ATE1: variants seen among roughly 807,000 people sequenced by gnomAD.
ATE1 encodes the protein arginyl-tRNA--protein transferase 1.
ATE1 carries 36 observed loss-of-function variants against 70.5 expected under a neutral mutation model. The ratio of observed to expected loss-of-function variants is 0.51; its 90% CI spans 0.39 to 0.67. The LOEUF (loss-of-function observed/expected upper bound fraction) is 0.67, where lower values mean the gene tolerates loss of function less well. Among genes scored for constraint, ATE1 ranks in the 30% least tolerant of loss-of-function variants. ATE1 has a pLI of 0.00. For missense variants in ATE1, 593 were observed against 629.5 expected (o/e 0.94, Z 0.62); for synonymous variants, 232 against 219.3 (o/e 1.06, Z -0.51).
At chr10:121,787,368 A>G (rs1946257040) in intron 11 of ATE1, among the ~76,000 whole-genome samples, 1 of 152,228 alleles carries the variant, frequency 6.6e-6, no homozygotes, top group Admixed American at 6.5e-5. Flanking sequence ...TTTCTCACAG[A>G]TTGCCATTTA....
chr10:121,789,507 C>T (rs1946349408), intron 11 of ATE1, among the ~76,000 whole-genome samples: 1 of 151,988 alleles, frequency 6.6e-6, no homozygotes, highest in African/African-American at 2.4e-5. Flanking sequence ...CCATGTTGGC[C>T]AGGCTGGTCT....
At position 121,800,281 on chromosome 10, in the gene ATE1, C is replaced by A. The variant is rs115272592; in HGVS notation, c.1258-9992G>T. Among the ~76,000 whole-genome samples, 660 of 152,208 alleles carry A rather than the reference C, an allele frequency of 4.3e-3. 6 individuals carry two copies. Among genetic ancestry groups the A allele is most frequent in the African/African-American group, 0.015 (631 of 41,524 alleles). On this transcript the variant is annotated intron_variant, in intron 10 of 11. Transcript: ENST00000224652. ...GACAAAAAAAATCAGAAAAGAAATA[C>A]TTTCATATGATATTCAACCAAGTTA...
intron 10 of ATE1, among the ~76,000 whole-genome samples, chr10:121,812,504 T>C (rs1947366448): frequency 6.6e-6 from 1 of 152,146 alleles, no homozygotes; most frequent in Admixed American, 6.5e-5. Context: ...CCTATCAAGG[T>C]AGTCAGGCAG....
At chr10:121,757,280 G>A (rs963931843) in intron 11 of ATE1, among the ~76,000 whole-genome samples, 3 of 152,024 alleles carry the variant, frequency 2.0e-5, no homozygotes, top group East Asian at 1.9e-4. Flanking sequence ...TATGGCTTTC[G>A]GGCCTTTGGT....
chr10:121,918,936 C>T (rs546019989), intron 3 of ATE1, among the ~76,000 whole-genome samples: 8 of 152,052 alleles, frequency 5.3e-5, no homozygotes, highest in South Asian at 4.1e-4. Flanking sequence ...GATTGTAAAA[C>T]GCACCAATCA....
intron 8 of ATE1, among the ~76,000 whole-genome samples, chr10:121,858,289 C>A (rs769346984): frequency 5.3e-5 from 8 of 152,122 alleles, no homozygotes; most frequent in Non-Finnish European, 8.8e-5. Context: ...CATGTTCCCA[C>A]CAGCAATGCA....
intron 10 of ATE1, among the ~76,000 whole-genome samples, chr10:121,791,055 CGTGTGT>C (rs71189171): frequency 0.19 from 25,449 of 135,552 alleles, 2,991 homozygotes; most frequent in African/African-American, 0.3. Context: ...TATATGTATA[CGTGTGT>C]GTGTGTGTGT....
chr10:121,876,884 G>T (rs910914112), intron 7 of ATE1, among the ~76,000 whole-genome samples: 4 of 151,438 alleles, frequency 2.6e-5, no homozygotes, highest in Non-Finnish European at 4.4e-5. Context: ...GAGAATGGCG[G>T]GAACCCGGGA....
At chr10:121,867,918 T>C (rs1016373362) in intron 8 of ATE1, among the ~76,000 whole-genome samples, 3 of 152,214 alleles carry the variant, frequency 2.0e-5, no homozygotes, top group African/African-American at 7.2e-5. Context: ...TTGTTTACAA[T>C]TTTTTACCAT....
At chr10:121,926,724 G>A (rs1398381035) in intron 1 of ATE1, 1 of 984,982 alleles carries the variant, frequency 1.0e-6, no homozygotes, top group Non-Finnish European at 1.2e-6. Flanking sequence ...ATACTCTAAG[G>A]CCATATTACC....
At chr10:121,854,847 G>C (rs1439025258) in intron 8 of ATE1, among the ~76,000 whole-genome samples, 2 of 152,154 alleles carry the variant, frequency 1.3e-5, no homozygotes, top group Non-Finnish European at 2.9e-5. Context: ...AGAAGCCTTT[G>C]TTCTTGGTGT....
chr10:121,910,561 T>C (rs1324503610), intron 5 of ATE1, among the ~76,000 whole-genome samples: 1 of 152,332 alleles, frequency 6.6e-6, no homozygotes, highest in Non-Finnish European at 1.5e-5. Flanking sequence ...CTATAATTCA[T>C]GTTGTCTCAC....
rs543120513 is a variant in ATE1 at position 121,797,352 on chromosome 10, C to T, written c.1258-7063G>A. 1.1e-3 allele frequency among the ~76,000 whole-genome samples: 160 copies of T among 152,142 alleles called. 1 individual carries two copies. Among genetic ancestry groups the T allele is most frequent in the African/African-American group, 3.6e-3 (148 of 41,500 alleles). ...GTTTTCATTGATGTAATTCATATAC[C>T]ATTAAATTCACCCTTTTAAATTGTA... On this transcript the variant is annotated intron_variant, in intron 10 of 11. Coordinates refer to ENST00000224652, the MANE Select transcript of ATE1 (RefSeq NM_001001976.3).
chr10:121,834,787 A>G (rs1235621731), intron 10 of ATE1, among the ~76,000 whole-genome samples: 1 of 152,220 alleles, frequency 6.6e-6, no homozygotes, highest in Non-Finnish European at 1.5e-5. Context: ...CATAATGAAA[A>G]ACTTTCAAGA....
chr10:121,842,621 T>C (rs902064532), intron 8 of ATE1, among the ~76,000 whole-genome samples: 5 of 152,176 alleles, frequency 3.3e-5, no homozygotes, highest in African/African-American at 1.2e-4. Flanking sequence ...AAAAGAATTA[T>C]ACCATGAACA....
chr10:121,838,708 T>TCTTATTCATGTCTATGAGTGTAA (rs1948520021), intron 9 of ATE1, among the ~76,000 whole-genome samples: 4 of 152,212 alleles, frequency 2.6e-5, no homozygotes, highest in African/African-American at 9.6e-5. Context: ...CAGAAACCTG[T>TCTTATTCATGTCTATGAGTGTAA]CTTATTCATG....
intron 10 of ATE1, among the ~76,000 whole-genome samples, chr10:121,832,637 C>T (rs114754835): frequency 1.2e-4 from 19 of 152,166 alleles, no homozygotes; most frequent in African/African-American, 2.9e-4. Context: ...GCCACCGCCA[C>T]GTAAGAAGTG....
intron 7 of ATE1, among the ~76,000 whole-genome samples, chr10:121,891,365 G>T (rs1432143600): frequency 6.6e-6 from 1 of 152,118 alleles, no homozygotes; most frequent in Non-Finnish European, 1.5e-5. Flanking sequence ...TTACATGGAG[G>T]TTACCAGGAT....
intron 11 of ATE1, among the ~76,000 whole-genome samples, chr10:121,785,799 CTT>C (rs1946180811): frequency 6.6e-6 from 1 of 152,032 alleles, no homozygotes; most frequent in South Asian, 2.1e-4. Flanking sequence ...GGACTAGTCT[CTT>C]TATAGCAAAT....
Sources: allele counts gnomAD v4.1 joint callset (sites outside exome capture counted in the v4.1 genomes callset), GRCh38; gene constraint gnomAD v4.1.1; transcripts MANE v1.5; gene names NCBI Gene and HGNC (gene_info 2026-07-23, HGNC 2026-07-21).